Variants in HAL observed in about 807,000 individuals in gnomAD.
The protein encoded by HAL is histidine ammonia-lyase, also known as histidase.
Under a neutral mutation model 81.1 loss-of-function variants are expected in HAL, and 85 were observed. The ratio of observed to expected loss-of-function variants is 1.05; its 90% CI spans 0.88 to 1.25. The LOEUF (loss-of-function observed/expected upper bound fraction) is 1.25, where lower values mean the gene tolerates loss of function less well. HAL is among the 50% of genes most tolerant of loss of function. HAL has a pLI of 0.00. For missense variants in HAL, 798 were observed against 836.6 expected, an observed-to-expected ratio of 0.95 and a Z score of 0.57; for synonymous variants, 301 against 309.2, an observed-to-expected ratio of 0.97 and a Z score of 0.28.
chr12:95,980,771 G>T, intron 16 of HAL, 27 bp downstream of exon 16: 3 of 1,597,802 alleles, frequency 1.9e-6, no homozygotes, highest in Non-Finnish European at 2.6e-6. Flanking sequence ...GTGCCTTCTG[G>T]GTCAGGAGCA....
Position 95,993,446 on chromosome 12 carries a change from C to G in HAL, c.589+5G>C. Reference sequence around the variant, plus strand: ...ATCCAGGAGGCACCCAACGTTTTGACTTACCTGAAGAATGTGAGCGTACTA... The same window carrying G: ...ATCCAGGAGGCACCCAACGTTTTGAGTTACCTGAAGAATGTGAGCGTACTA... On this transcript the variant is annotated splice_donor_5th_base_variant and intron_variant, in intron 8 of 20. Transcript: ENST00000261208. The G allele has an allele frequency of 6.3e-7, 1 of 1,593,654 alleles. No individual in the cohort carries two copies. Among genetic ancestry groups the G allele is most frequent in the Non-Finnish European group, 8.6e-7 (1 of 1,161,210 alleles).
At chr12:95,978,234 A>C (rs1418366166) in intron 17 of HAL, among the ~76,000 whole-genome samples, 156 bp from the exon 18 acceptor site, 1 of 121,734 alleles carries the variant, frequency 8.2e-6, no homozygotes, top group Non-Finnish European at 1.6e-5. Context: ...TGCTTTGGGA[A>C]AAGGAAGCAG....
chr12:95,981,946 T>C (rs1401027604), intron 15 of HAL, among the ~76,000 whole-genome samples: 2 of 152,248 alleles, frequency 1.3e-5, no homozygotes, highest in Admixed American at 6.5e-5. Flanking sequence ...GAGTTAGAGA[T>C]GTATGTGTTA....
rs753129506 is a variant in HAL at position 95,990,392 on chromosome 12, C to T, written c.855+1G>A. 3.5e-5 allele frequency: 56 copies of T among 1,612,162 alleles called. No individual in the cohort carries two copies. The highest frequency in any genetic ancestry group is 4.2e-5 in the Non-Finnish European group (50 of 1,178,308). ...CAGATAGAAGCTGCTACGAGTCTTA[C>T]GTATTTAGCATCAGCCCAGCCACTC... is the stretch of plus-strand genomic sequence containing the variant. On this transcript the variant is annotated splice_donor_variant, in intron 10 of 20. Coordinates refer to ENST00000261208, the MANE Select transcript of HAL (RefSeq NM_002108.4). LOFTEE classifies it high-confidence loss of function.
rs368681474 is a variant in HAL at position 95,986,138 on chromosome 12, G to A, written c.1074C>T (p.His358=). The change falls in exon 13 of 21, where the codon CAC becomes CAT. Residue 358 remains histidine, a synonymous_variant. Coordinates refer to ENST00000261208, the MANE Select transcript of HAL (RefSeq NM_002108.4). The stretch of plus-strand genomic sequence containing the variant: ...GAAAAGCAACTTCAATTTGCCCACG[G>A]TGAGGTCGAAGAGCATGAATGTCTA... The part of the protein sequence containing the change: ...FDTDIHALRP[H]RGQIEVAFRF... 7.5e-6 allele frequency: 12 copies of A among 1,604,834 alleles called. No homozygotes were observed. Among genetic ancestry groups the A allele is most frequent in the African/African-American group, 1.3e-5 (1 of 74,838 alleles).
chr12:95,994,659 G>A (rs1273523571), intron 4 of HAL, 139 bp downstream of exon 4: 5 of 878,550 alleles, frequency 5.7e-6, no homozygotes, highest in Non-Finnish European at 9.7e-6. Flanking sequence ...CAAAGTGCTG[G>A]GACTACAGAC....
At chr12:95,974,409 C>T (rs375882818) in intron 20 of HAL, 37 bp from the exon 21 acceptor site, 234 of 1,601,068 alleles carry the variant, frequency 1.5e-4, no homozygotes, top group Non-Finnish European at 1.9e-4. Context: ...GAAATATTGA[C>T]GACATTGTTT....
chr12:95,985,230 G>A (rs1949866995), intron 14 of HAL, among the ~76,000 whole-genome samples: 1 of 152,174 alleles, frequency 6.6e-6, no homozygotes, highest in African/African-American at 2.4e-5. Flanking sequence ...GGGAGAAACA[G>A]TACAACTCTA....
chr12:95,980,568 C>T lies in HAL; in HGVS notation c.1507G>A (p.Ala503Thr). The T allele has an allele frequency of 6.2e-7, 1 of 1,613,510 alleles. No individual in the cohort carries two copies. The highest frequency in any genetic ancestry group is 8.5e-7 in the Non-Finnish European group (1 of 1,179,964). The change falls in exon 17 of 21, where the codon GCA becomes ACA. Residue 503 changes from alanine to threonine, a missense_variant. Ala to Thr is a moderately conservative substitution (Grantham distance 58). Coordinates refer to ENST00000261208, the MANE Select transcript of HAL (RefSeq NM_002108.4). ...GCAGTGTCCTTACCAAGGGCTGCTG[C>T]CGTGCAGTGAGCTATCATGAACCCA... ...NSGFMIAHCTAAALVSENKAL... is the reference protein window; with the variant it reads ...NSGFMIAHCTTAALVSENKAL...
rs1001793303 is a variant in HAL at position 95,985,947 on chromosome 12, A to G, written c.1167T>C (p.Asp389=). The stretch of plus-strand genomic sequence containing the variant: ...GCAAGGTGTATGCATCCTGGACGCG[A>G]TCACAGAACCTGTGACTCTCTGTGG... ...SEIAESHRFC[D]RVQDAYTLRC... The change falls in exon 14 of 21, where the codon GAT becomes GAC. Residue 389 remains aspartate, a synonymous_variant. Coordinates refer to ENST00000261208, the MANE Select transcript of HAL (RefSeq NM_002108.4). 1 of 1,612,190 alleles carries G rather than the reference A, an allele frequency of 6.2e-7. No homozygotes were observed. Among genetic ancestry groups the G allele is most frequent in the Non-Finnish European group, 8.5e-7 (1 of 1,178,612 alleles).
intron 11 of HAL, 77 bp downstream of exon 11, chr12:95,988,116 G>A: frequency 1.2e-6 from 1 of 802,230 alleles, no homozygotes; most frequent in Non-Finnish European, 2.3e-6. Flanking sequence ...GAATGATTGA[G>A]GCTGAGATTA....
chr12:95,975,032 A>G (rs570768318), intron 20 of HAL, among the ~76,000 whole-genome samples: 14 of 152,342 alleles, frequency 9.2e-5, no homozygotes, highest in African/African-American at 3.4e-4. Context: ...GAGCCACCAC[A>G]CATGGCCTGG....
intron 12 of HAL, 120 bp downstream of exon 12, chr12:95,986,947 C>T (rs1375524223): frequency 1.2e-6 from 1 of 847,734 alleles, no homozygotes; most frequent in Non-Finnish European, 2.0e-6. Flanking sequence ...GCCACAGGCA[C>T]TTGGGTTTTC....
In HAL at chr12:95,974,286, T is replaced by C; in HGVS notation, c.1920A>G (p.Ser640=). 6.2e-7 allele frequency: 1 copy of C among 1,613,746 alleles called. No homozygotes were observed. Among genetic ancestry groups the C allele is most frequent in the Admixed American group, 1.7e-5 (1 of 60,028 alleles). ...ESRPLSPTAF[S]LQFLHKKSTK... ...TGGATTTCTTGTGCAGAAATTGCAG[T>C]GAAAAGGCTGTTGGAGAAAGAGGTC... is the stretch of plus-strand genomic sequence containing the variant. The change falls in exon 21 of 21, where the codon TCA becomes TCG. Residue 640 remains serine, a synonymous_variant. Transcript: ENST00000261208.
intron 14 of HAL, 23 bp downstream of exon 14, chr12:95,985,885 C>CTTTTTTTTTTTTTTTTTTT: frequency 8.2e-7 from 1 of 1,224,586 alleles, no homozygotes; most frequent in Non-Finnish European, 1.1e-6. Flanking sequence ...TTTTATTGAC[C>CTTTTTTTTTTTTTTTTTTT]TTTTTTTTTT....
At chr12:95,978,148 C>T (rs1465119496) in intron 17 of HAL, 70 bp from the exon 18 acceptor site, 2 of 1,226,698 alleles carry the variant, frequency 1.6e-6, no homozygotes, top group Non-Finnish European at 2.4e-6. Context: ...CCGTGGCTTC[C>T]ACAGAGTGCT....
In HAL at chr12:95,974,141, C is replaced by T; in HGVS notation, c.*91G>A. 2 of 1,096,530 alleles carry T rather than the reference C, an allele frequency of 1.8e-6. No individual in the cohort carries two copies. The highest frequency in any genetic ancestry group is 2.8e-6 in the Non-Finnish European group (2 of 707,954). The allele number at this position is 1,096,530 out of a possible 1,614,324, so 67.9% of individuals were successfully genotyped here. ...CTGAATGATACAATGGATTGATCTA[C>T]CTAGGAAAGTTCTCAGGTCTCTCCT... is the stretch of plus-strand genomic sequence containing the variant. On this transcript the variant is annotated 3_prime_UTR_variant, in exon 21 of 21. Coordinates refer to ENST00000261208, the MANE Select transcript of HAL (RefSeq NM_002108.4).
intron 14 of HAL, among the ~76,000 whole-genome samples, chr12:95,985,647 A>G (rs1033352503): frequency 2.1e-5 from 3 of 142,538 alleles, no homozygotes; most frequent in African/African-American, 7.8e-5. Context: ...AAAAAAAAAA[A>G]GAGGTTGTCC....
In HAL at chr12:95,988,229, G is replaced by A. The variant is rs768438460; in HGVS notation, c.867C>T (p.Ala289=). ...GWADAKYVLE[A]HGLKPVILKP... ...TTAAAATAACTGGTTTCAATCCATG[G>A]GCTTCTAGCACCTATAGAATGATTA... is the stretch of plus-strand genomic sequence containing the variant. The change falls in exon 11 of 21, where the codon GCC becomes GCT. Residue 289 remains alanine, a synonymous_variant. Transcript: ENST00000261208. The A allele has an allele frequency of 9.0e-5, 135 of 1,506,114 alleles. No individual in the cohort carries two copies. The highest frequency in any genetic ancestry group is 1.0e-4 in the Non-Finnish European group (113 of 1,081,994). The allele number at this position is 1,506,114 out of a possible 1,614,324, so 93.3% of individuals were successfully genotyped here. A position where few individuals can be genotyped will look rare whatever the true frequency, so the allele number is the denominator to read the frequency against.
Sources: allele counts gnomAD v4.1 joint callset (sites outside exome capture counted in the v4.1 genomes callset), GRCh38; gene constraint gnomAD v4.1.1; transcripts MANE v1.5; gene names NCBI Gene and HGNC (gene_info 2026-07-23, HGNC 2026-07-21).